ACACA: variants seen among roughly 807,000 people sequenced by gnomAD.
ACACA encodes the protein acetyl-CoA carboxylase 1.
Under a neutral mutation model 296.1 loss-of-function variants are expected in ACACA, and 103 were observed. The ratio of observed to expected loss-of-function variants is 0.35; its 90% confidence interval spans 0.30 to 0.41. ACACA has a LOEUF of 0.41. Among genes scored for constraint, ACACA ranks in the 10% least tolerant of loss-of-function variants. The pLI, the probability that ACACA is intolerant of heterozygous loss-of-function variation, is 1.00. For missense variants in ACACA, 1,554 were observed against 2,989.7 expected (o/e 0.52, Z 11.20); for synonymous variants, 953 against 1,038.6 (o/e 0.92, Z 1.58).
chr17:37,248,069 G>C lies in ACACA; in HGVS notation c.2251C>G (p.Leu751Val). 1 of 1,614,110 alleles carries C rather than the reference G, an allele frequency of 6.2e-7. No homozygotes were observed. Among genetic ancestry groups the C allele is most frequent in the South Asian group, 1.1e-5 (1 of 91,084 alleles). ...CTGCTGCCATCATAGGACAAGAGCAGTCCACCGTCACTCAGCCGATGTACA... is the reference window on the plus strand; with the variant it reads ...CTGCTGCCATCATAGGACAAGAGCACTCCACCGTCACTCAGCCGATGTACA... The part of the protein sequence containing the change: ...VDVHRLSDGG[L>V]LLSYDGSSYT... Residue 751 changes from leucine to valine, a missense_variant, in exon 18 of 56, where the codon CTG becomes GTG. Leu to Val is a conservative substitution (Grantham distance 32, BLOSUM62 1). This residue lies in a region of ACACA where 316 missense variants were observed against 540.9 expected (regional missense o/e 0.58). Coordinates refer to ENST00000616317, the MANE Select transcript of ACACA (RefSeq NM_198834.3).
At chr17:37,397,652 CTTTT>C (rs2051124192) in intron 1 of ACACA, among the ~76,000 whole-genome samples, 1 of 152,120 alleles carries the variant, frequency 6.6e-6, no homozygotes, top group Non-Finnish European at 1.5e-5. Flanking sequence ...CAACACTTTT[CTTTT>C]GTCTTTCCTT....
In ACACA at chr17:37,252,447, T is replaced by G. The variant is rs73982282; in HGVS notation, c.1978-339A>C. On this transcript the variant is annotated intron_variant, in intron 15 of 55. Transcript: ENST00000616317. ...GATAATCTCAAAGAAAAACGGTGTA[T>G]AGCCAAAATTTGGACCTCCAAATTA... Among the ~76,000 whole-genome samples, 138 of 152,296 alleles carry G rather than the reference T, an allele frequency of 9.1e-4. 1 individual carries two copies. The highest frequency in any genetic ancestry group is 3.3e-3 in the African/African-American group (136 of 41,562).
At chr17:37,104,131 G>GT (rs2073530106) in intron 52 of ACACA, among the ~76,000 whole-genome samples, 1 of 152,112 alleles carries the variant, frequency 6.6e-6, no homozygotes, top group Admixed American at 6.5e-5. Flanking sequence ...AAAAGAAATT[G>GT]TAAAAAAAAT....
Position 37,120,256 on chromosome 17 carries a change from C to A in ACACA, c.6274+1099G>T, listed in dbSNP as rs180709582. On this transcript the variant is annotated intron_variant, in intron 50 of 55. Coordinates refer to ENST00000616317, the MANE Select transcript of ACACA (RefSeq NM_198834.3). ...TTCTACTCCTCCCTCCTTCCCCTAA[C>A]CTATCCTACTGTTTTTTCCTTTTTT... Among the ~76,000 whole-genome samples, 20 of 151,556 alleles carry A rather than the reference C, an allele frequency of 1.3e-4. No individual in the cohort carries two copies. In the East Asian group the frequency reaches 4.0e-3, roughly 30 times the overall value.
chr17:37,206,951 G>T, intron 31 of ACACA, 72 bp from the exon 32 acceptor site: 1 of 1,269,324 alleles, frequency 7.9e-7, no homozygotes, highest in Non-Finnish European at 1.1e-6. Context: ...ATTGGCAGCT[G>T]AGTCTAAAAG....
intron 49 of ACACA, among the ~76,000 whole-genome samples, 172 bp from the exon 50 acceptor site, chr17:37,121,662 G>A (rs989496402): frequency 1.3e-5 from 2 of 152,150 alleles, no homozygotes; most frequent in Non-Finnish European, 2.9e-5. Context: ...AAGGATCCTC[G>A]ATCTTTGACC....
At chr17:37,283,752 T>C (rs1415005937) in intron 4 of ACACA, among the ~76,000 whole-genome samples, 1 of 152,166 alleles carries the variant, frequency 6.6e-6, no homozygotes, top group African/African-American at 2.4e-5. Context: ...AAATCAGGAA[T>C]GGGGGAAGGC....
At chr17:37,299,463 T>G (rs763648797) in intron 3 of ACACA, 1 of 1,564,288 alleles carries the variant, frequency 6.4e-7, no homozygotes, top group Non-Finnish European at 8.7e-7. Context: ...CTGCCTGGCT[T>G]CAGTCAGACT....
At chr17:37,118,162 C>T (rs532267483) in intron 50 of ACACA, among the ~76,000 whole-genome samples, 1 of 152,272 alleles carries the variant, frequency 6.6e-6, no homozygotes, top group East Asian at 1.9e-4. Flanking sequence ...ATTTGTCTTA[C>T]GTGAGGTGTA....
At chr17:37,088,911 T>C (rs2072413711) in intron 55 of ACACA, 27 bp downstream of exon 55, 1 of 1,613,740 alleles carries the variant, frequency 6.2e-7, no homozygotes, top group Non-Finnish European at 8.5e-7. Flanking sequence ...CCTCCTTCTC[T>C]AGTGGAGTTC....
chr17:37,096,982 A>C lies in ACACA; in HGVS notation c.6891+14T>G, dbSNP rs1254510266. 5.0e-6 allele frequency: 8 copies of C among 1,613,866 alleles called. No individual in the cohort carries two copies. The African/African-American group carries it at 1.1e-4, about 22-fold the overall frequency. ...AACTCAGCAAAAAGGCTTCTCTTTG[A>C]GTGTCCCACCTACCTTCACTGTTCC... On this transcript the variant is annotated intron_variant, in intron 54 of 55. Transcript: ENST00000616317.
intron 21 of ACACA, 119 bp downstream of exon 21, chr17:37,244,469 G>C: frequency 7.9e-7 from 1 of 1,264,208 alleles, no homozygotes; most frequent in Non-Finnish European, 1.1e-6. Flanking sequence ...AGGTGAAAGA[G>C]TTCTAGGCCA....
At chr17:37,202,904 G>T (rs1598161686) in intron 33 of ACACA, among the ~76,000 whole-genome samples, 2 of 151,134 alleles carry the variant, frequency 1.3e-5, no homozygotes, top group East Asian at 3.9e-4. Flanking sequence ...CAAGGAAAAG[G>T]GTAATTTCTT....
chr17:37,218,899 C>G (rs1409020037), intron 29 of ACACA, among the ~76,000 whole-genome samples: 3 of 152,172 alleles, frequency 2.0e-5, no homozygotes, highest in African/African-American at 7.2e-5. Context: ...GATGAGCAGG[C>G]CTATTGTATA....
At chr17:37,389,146 G>C in intron 1 of ACACA, 1 of 1,405,608 alleles carries the variant, frequency 7.1e-7, no homozygotes, top group Non-Finnish European at 9.6e-7. Flanking sequence ...ATTTTATTTA[G>C]AAGAGATGGC....
At chr17:37,227,361 C>T (rs141324187) in intron 25 of ACACA, among the ~76,000 whole-genome samples, 124 of 152,216 alleles carry the variant, frequency 8.1e-4, no homozygotes, top group African/African-American at 3.0e-3. Flanking sequence ...TAATTATTAA[C>T]ACCACACCAT....
At chr17:37,105,619 C>A (rs138850755) in intron 52 of ACACA, among the ~76,000 whole-genome samples, 1 of 152,096 alleles carries the variant, frequency 6.6e-6, no homozygotes, top group East Asian at 1.9e-4. Context: ...AATCCCAACA[C>A]TTTAGGAGGC....
At chr17:37,335,592 T>C (rs1022052532) in intron 2 of ACACA, among the ~76,000 whole-genome samples, 1 of 152,172 alleles carries the variant, frequency 6.6e-6, no homozygotes, top group Non-Finnish European at 1.5e-5. Context: ...TATACAATCA[T>C]GTCATACCTA....
At chr17:37,157,041 A>G (rs144129453) in intron 42 of ACACA, among the ~76,000 whole-genome samples, 6 of 152,346 alleles carry the variant, frequency 3.9e-5, no homozygotes, top group African/African-American at 1.4e-4. Context: ...TATGAAACAT[A>G]CCTCCTACTC....
Sources: gnomAD v4.1 joint callset for allele counts (sites outside exome capture counted in the v4.1 genomes callset) on GRCh38, gnomAD v4.1.1 for gene constraint, gnomAD v4.1.1 regional missense constraint, MANE v1.5 for transcripts, NCBI Gene and HGNC (gene_info 2026-07-23, HGNC 2026-07-21) for gene names.